MAP4: variants seen among roughly 807,000 people sequenced by gnomAD.
MAP4 encodes microtubule associated protein 4, also known as microtubule-associated protein 4.
A neutral mutation model predicts 170.2 loss-of-function variants in MAP4; 76 were observed. The ratio of observed to expected loss-of-function variants is 0.45; its 90% confidence interval spans 0.37 to 0.54. The LOEUF (loss-of-function observed/expected upper bound fraction) is 0.54. MAP4 is among the 20% of genes least tolerant of loss of function. MAP4 has a pLI of 0.00. For missense variants in MAP4, 2,506 were observed against 2,748.0 expected (o/e 0.91, Z 1.97); for synonymous variants, 909 against 994.5 (o/e 0.91, Z 1.62).
At chr3:47,952,002 A>G (rs373188503) in intron 3 of MAP4, among the ~76,000 whole-genome samples, 2 of 126,382 alleles carry the variant, frequency 1.6e-5, no homozygotes, top group East Asian at 2.3e-4. Flanking sequence ...CTGCCCCGCC[A>G]CCCCGTCTGG....
chr3:47,877,482 T>A lies in MAP4; in HGVS notation c.5476A>T (p.Thr1826Ser). 6.2e-7 allele frequency: 1 copy of A among 1,614,084 alleles called. No homozygotes were observed. The highest frequency in any genetic ancestry group is 8.5e-7 in the Non-Finnish European group (1 of 1,180,002). Reference sequence around the variant, plus strand: ...GGTGGGGTGGTGATGTCATTTCCTGTCCCACTCACCACAGGCCTTCCTTCT... The same window carrying A: ...GGTGGGGTGGTGATGTCATTTCCTGACCCACTCACCACAGGCCTTCCTTCT... ...PEEGRPVVSG[T>S]GNDITTPPNK... Residue 1826 changes from threonine to serine, a missense_variant, in exon 11 of 21, where the codon ACA (threonine) becomes TCA (serine). Physicochemically the swap from Thr to Ser is moderately conservative, Grantham distance 58 (BLOSUM62 1). Transcript: ENST00000683076.
intron 1 of MAP4, among the ~76,000 whole-genome samples, chr3:48,024,651 C>T (rs751522718): frequency 2.0e-5 from 3 of 152,182 alleles, no homozygotes; most frequent in African/African-American, 4.8e-5. Flanking sequence ...CACACTATGA[C>T]GTGAGCAAGA....
At chr3:47,942,719 T>C (rs2100057274) in intron 3 of MAP4, among the ~76,000 whole-genome samples, 2 of 152,222 alleles carry the variant, frequency 1.3e-5, no homozygotes, top group Non-Finnish European at 2.9e-5. Flanking sequence ...TACATACATA[T>C]CTTACAGAAT....
chr3:47,858,894 T>A (rs912561854), intron 17 of MAP4, among the ~76,000 whole-genome samples: 2 of 152,014 alleles, frequency 1.3e-5, no homozygotes, highest in Admixed American at 6.6e-5. Flanking sequence ...TTTGGGAGGC[T>A]AAGGCGGGCG....
intron 10 of MAP4, among the ~76,000 whole-genome samples, chr3:47,900,693 G>A (rs147616878): frequency 3.9e-5 from 6 of 152,048 alleles, no homozygotes; most frequent in Non-Finnish European, 7.4e-5. Context: ...CCGAGATGGC[G>A]CCACTGCACT....
intron 2 of MAP4, among the ~76,000 whole-genome samples, chr3:47,997,707 CAAAG>C (rs59915035): frequency 1.6e-3 from 238 of 149,832 alleles, no homozygotes; most frequent in Middle Eastern, 3.5e-3. Flanking sequence ...CTAGACTTAT[CAAAG>C]AAAGAAAGAA....
At chr3:47,957,329 G>C (rs910102969) in intron 3 of MAP4, among the ~76,000 whole-genome samples, 1 of 151,758 alleles carries the variant, frequency 6.6e-6, no homozygotes, top group South Asian at 2.1e-4. Flanking sequence ...CACCATGCCC[G>C]GCTAATTTTT....
rs1416600691 is a variant in MAP4, at chr3:47,978,766, G to A, written c.224-833C>T. 3.4e-5 allele frequency among the ~76,000 whole-genome samples: 5 copies of A among 147,942 alleles called. No homozygotes were observed. The East Asian group carries it at 9.7e-4, about 29-fold the overall frequency. ...TTTCCCTCTTTTTTTTTTTTTTAAGGAAATTAGTTGTATCTTATTCCCTAA... is the reference window on the plus strand; with the variant it reads ...TTTCCCTCTTTTTTTTTTTTTTAAGAAAATTAGTTGTATCTTATTCCCTAA... On this transcript the variant is annotated intron_variant, in intron 2 of 20. Coordinates refer to ENST00000683076, the MANE Select transcript of MAP4 (RefSeq NM_001385682.1).
At chr3:48,032,692 G>T (rs2100116798) in intron 1 of MAP4, among the ~76,000 whole-genome samples, 1 of 151,944 alleles carries the variant, frequency 6.6e-6, no homozygotes, top group Non-Finnish European at 1.5e-5. Flanking sequence ...AAAAATTCTA[G>T]TAATAACCAT....
At chr3:47,883,008 G>A (rs2097020204) in intron 10 of MAP4, among the ~76,000 whole-genome samples, 1 of 150,796 alleles carries the variant, frequency 6.6e-6, no homozygotes, top group Non-Finnish European at 1.5e-5. Flanking sequence ...ATGGGGTTTC[G>A]TCATGTTGCC....
At position 47,855,235 on chromosome 3, in the gene MAP4, A is replaced by G. The variant is rs2053103001; in HGVS notation, c.6696+13T>C. On this transcript the variant is annotated intron_variant, in intron 19 of 20. Coordinates refer to ENST00000683076, the MANE Select transcript of MAP4 (RefSeq NM_001385682.1). This position sits in a 1 kb window ranked among gnomAD's most constrained non-coding sequence, Gnocchi z 5.1. ...CCTCCCCAGCTGTGTCTCCCCAGTG[A>G]CCCACTCGCTACCTTCACAGCACCT... 1 of 1,593,816 alleles carries G rather than the reference A, an allele frequency of 6.3e-7. No homozygotes were observed. Among genetic ancestry groups the G allele is most frequent in the Non-Finnish European group, 8.6e-7 (1 of 1,161,558 alleles).
At chr3:47,942,852 G>C (rs2100057348) in intron 3 of MAP4, among the ~76,000 whole-genome samples, 1 of 152,192 alleles carries the variant, frequency 6.6e-6, no homozygotes, top group Non-Finnish European at 1.5e-5. Flanking sequence ...GCTCACACCT[G>C]TAATCATCGC....
rs375814238 is a variant in MAP4, at chr3:47,928,330, C to T, written c.313G>A (p.Glu105Lys). 5.0e-6 allele frequency: 8 copies of T among 1,613,960 alleles called. No individual in the cohort carries two copies. The highest frequency in any genetic ancestry group is 6.8e-6 in the Non-Finnish European group (8 of 1,180,002). The stretch of plus-strand genomic sequence containing the variant: ...TATTCCTGGTAGGCCATTTTCTCTT[C>T]AAGGAATTCAGTTGGAGACCCTTAA... ...DTTGSPTEFL[E>K]EKMAYQEYPN... The change falls in exon 4 of 21, where the codon GAA becomes AAA. Residue 105 changes from glutamate to lysine, a missense_variant. Glu to Lys is a moderately conservative substitution (Grantham distance 56). Around this residue, in one of 3 missense-constraint regions of MAP4, gnomAD observed 2,008 missense variants for 2,206.0 expected, o/e 0.91. Coordinates refer to ENST00000683076, the MANE Select transcript of MAP4 (RefSeq NM_001385682.1).
At chr3:48,058,819 G>A (rs572716882) in intron 1 of MAP4, among the ~76,000 whole-genome samples, 9 of 152,024 alleles carry the variant, frequency 5.9e-5, no homozygotes, top group East Asian at 5.8e-4. Flanking sequence ...TTGCTCTGTC[G>A]CCCAGGCTGG....
chr3:48,002,396 CAAAAACTA>C (rs2100099686), intron 1 of MAP4, among the ~76,000 whole-genome samples: 1 of 151,782 alleles, frequency 6.6e-6, no homozygotes. Flanking sequence ...CCTGCCTCTA[CAAAAACTA>C]AAAAAAAATT....
At chr3:47,987,115 A>C (rs2100089191) in intron 2 of MAP4, among the ~76,000 whole-genome samples, 1 of 152,102 alleles carries the variant, frequency 6.6e-6, no homozygotes, top group Admixed American at 6.5e-5. Flanking sequence ...ATTTCACTTG[A>C]TCTGCTTCTC....
chr3:47,881,876 C>T (rs1200229980), intron 10 of MAP4, among the ~76,000 whole-genome samples: 1 of 152,066 alleles, frequency 6.6e-6, no homozygotes, highest in Non-Finnish European at 1.5e-5. Context: ...AAAGGGATTA[C>T]AAGCAGGAGC....
At chr3:47,949,467 A>ATAC in intron 3 of MAP4, among the ~76,000 whole-genome samples, 1 of 82,648 alleles carries the variant, frequency 1.2e-5, no homozygotes, top group Admixed American at 1.4e-4. Context: ...CTGCGTCCCA[A>ATAC]AAAAAAAAAA....
intron 1 of MAP4, among the ~76,000 whole-genome samples, chr3:48,057,614 T>TTAAA (rs1559874206): frequency 1.3e-5 from 1 of 77,916 alleles, no homozygotes; most frequent in African/African-American, 4.8e-5. Flanking sequence ...AATAAAAAAA[T>TTAAA]AAATAAATAA....
Sources: allele counts gnomAD v4.1 joint callset (sites outside exome capture counted in the v4.1 genomes callset), GRCh38; gene constraint gnomAD v4.1.1; regional missense constraint gnomAD v4.1.1; non-coding constraint Gnocchi (gnomAD v3.1); transcripts MANE v1.5; gene names NCBI Gene and HGNC (gene_info 2026-07-23, HGNC 2026-07-21).